POM121: variants seen among roughly 807,000 people sequenced by gnomAD.
POM121 encodes the protein POM121 transmembrane nucleoporin.
In POM121, 32 loss-of-function variants were observed where a neutral mutation model predicts 81.3. The observed-to-expected ratio is 0.39, with a 90% confidence interval of 0.30 to 0.53. POM121 has a LOEUF of 0.53. POM121 is among the 20% of genes least tolerant of loss of function. POM121 has a pLI of 0.66. For synonymous variants in POM121, 514 were observed against 694.2 expected (o/e 0.74, Z 4.08); for missense variants, 1,138 against 1,614.6 (o/e 0.70, Z 5.06).
chr7:72,901,969 G>A (rs7809943), intron 3 of POM121, among the ~76,000 whole-genome samples: 9 of 149,254 alleles, frequency 6.0e-5, no homozygotes, highest in African/African-American at 1.0e-4. Flanking sequence ...AAAATTAGCC[G>A]GGCATGGTGG....
intron 5 of POM121, among the ~76,000 whole-genome samples, chr7:72,937,843 T>A (rs1263931335): frequency 6.6e-6 from 1 of 151,956 alleles, no homozygotes; most frequent in African/African-American, 2.4e-5. Context: ...AAGAGGCAGA[T>A]GTATGGATAA....
downstream of POM121, chr7:72,949,007 G>A: frequency 1.2e-6 from 2 of 1,610,090 alleles, no homozygotes; most frequent in South Asian, 2.2e-5. Context: ...GTGAGCGCGT[G>A]GCACAGGGCT....
downstream of POM121, chr7:72,950,094 T>C (rs1554504503): frequency 6.3e-7 from 1 of 1,584,932 alleles, no homozygotes; most frequent in Non-Finnish European, 8.7e-7. Context: ...CCCGGTACAG[T>C]GGGTGTTCAT....
rs1795268785 is a variant in POM121, at chr7:72,925,240, C to T, written c.119C>T (p.Ser40Leu). ...GCCAGGGCGGTGCTCCTGGGCCTGT[C>T]GCTGGTTGGCCTCTTACTGTACCTC... ...GPARAVLLGL[S>L]LVGLLLYLVP... The change falls in exon 1 of 13, where the codon TCG becomes TTG. Residue 40 changes from serine (S) to leucine (L), a missense_variant. Transcript: ENST00000434423. 1 of 1,533,914 alleles carries T rather than the reference C, an allele frequency of 6.5e-7. No individual in the cohort carries two copies. The highest frequency in any genetic ancestry group is 8.7e-7 in the Non-Finnish European group (1 of 1,146,152).
chr7:72,948,346 A>G (rs782788856), downstream of POM121: 1 of 1,611,282 alleles, frequency 6.2e-7, no homozygotes, highest in Non-Finnish European at 8.5e-7. Flanking sequence ...TTTGCTCACC[A>G]GCAAGAACAC....
intron 3 of POM121, among the ~76,000 whole-genome samples, chr7:72,901,438 T>C (rs1469412750): frequency 6.6e-6 from 1 of 151,058 alleles, no homozygotes; most frequent in Admixed American, 6.6e-5. Context: ...CACTGCAACC[T>C]CCACCTCCTG....
intron 5 of POM121, among the ~76,000 whole-genome samples, chr7:72,935,801 ATAGTG>A (rs1554499357): frequency 5.3e-5 from 8 of 151,962 alleles, no homozygotes; most frequent in African/African-American, 1.7e-4. Context: ...GCTATTCTAA[ATAGTG>A]CCTTCATATA....
chr7:72,923,403 C>G (rs1238193358), upstream of POM121, among the ~76,000 whole-genome samples: 1 of 152,094 alleles, frequency 6.6e-6, no homozygotes, highest in Non-Finnish European at 1.5e-5. Flanking sequence ...ACTTCCCTGT[C>G]TACCTTCCCC....
At chr7:72,931,850 C>A (rs528788255) in intron 5 of POM121, among the ~76,000 whole-genome samples, 1 of 152,158 alleles carries the variant, frequency 6.6e-6, no homozygotes, top group Non-Finnish European at 1.5e-5. Context: ...GGATTACAGG[C>A]ATGAGCCACC....
downstream of POM121, chr7:72,949,051 A>C: frequency 6.2e-7 from 1 of 1,613,342 alleles, no homozygotes; most frequent in Non-Finnish European, 8.5e-7. Flanking sequence ...ATGCAGACGC[A>C]CCGGGCTAGG....
chr7:72,885,807 G>T (rs1790645008), intron 1 of POM121, among the ~76,000 whole-genome samples: 1 of 150,004 alleles, frequency 6.7e-6, no homozygotes, highest in Non-Finnish European at 1.5e-5. Context: ...ATAGTCCGTT[G>T]TCTTTGCTTT....
chr7:72,912,618 G>A (rs1435569732), intron 3 of POM121, among the ~76,000 whole-genome samples: 1 of 152,014 alleles, frequency 6.6e-6, no homozygotes, highest in Non-Finnish European at 1.5e-5. Context: ...CTACTAAAAC[G>A]CGCACACAAA....
At chr7:72,890,242 G>A (rs1668906) in intron 1 of POM121, among the ~76,000 whole-genome samples, 52 of 151,668 alleles carry the variant, frequency 3.4e-4, no homozygotes, top group South Asian at 8.3e-4. Flanking sequence ...TCCAACATGA[G>A]GAGGTCCCGG....
intron 3 of POM121, among the ~76,000 whole-genome samples, chr7:72,909,479 A>G (rs1563143937): frequency 1.3e-5 from 2 of 152,216 alleles, no homozygotes; most frequent in East Asian, 1.9e-4. Context: ...ATGAGGCTGT[A>G]TGTAGTTCCT....
At chr7:72,889,184 T>A (rs1450070833) in intron 1 of POM121, among the ~76,000 whole-genome samples, 2 of 152,230 alleles carry the variant, frequency 1.3e-5, no homozygotes, top group Non-Finnish European at 1.5e-5. Flanking sequence ...CCCAGAAAGT[T>A]ATTACTCTCT....
chr7:72,928,263 C>T (rs1360447163), intron 3 of POM121, 122 bp from the exon 4 acceptor site: 2 of 1,341,652 alleles, frequency 1.5e-6, no homozygotes, highest in Non-Finnish European at 2.1e-6. Context: ...CAACCATTTT[C>T]TGGTCTATCA....
At position 72,939,329 on chromosome 7, in the gene POM121, C is replaced by G. The variant is rs189678402; in HGVS notation, c.1368-7C>G. ...TCTAGACTAAATTGTTCCTTTTTTCCTGACAGAGAAGAGGAGCTGTGTCAT... is the reference window on the plus strand; with the variant it reads ...TCTAGACTAAATTGTTCCTTTTTTCGTGACAGAGAAGAGGAGCTGTGTCAT... On this transcript the variant is annotated splice_region_variant and splice_polypyrimidine_tract_variant and intron_variant, in intron 6 of 12. Transcript: ENST00000434423. The G allele has an allele frequency of 4.2e-3, 6,786 of 1,612,612 alleles. 35 individuals carry two copies. The highest frequency in any genetic ancestry group is 5.2e-3 in the Admixed American group (310 of 59,618).
chr7:72,885,934 A>T (rs1790657983), intron 1 of POM121, among the ~76,000 whole-genome samples: 1 of 151,938 alleles, frequency 6.6e-6, no homozygotes, highest in African/African-American at 2.4e-5. Context: ...GTTTTTAGCT[A>T]TCACACTGTT....
chr7:72,938,706 T>C (rs1192576806), intron 6 of POM121, 25 bp downstream of exon 6: 1 of 1,609,050 alleles, frequency 6.2e-7, no homozygotes, highest in African/African-American at 1.3e-5. Flanking sequence ...CCTGCAGTTT[T>C]CATTTGCTGC....
Sources: allele counts gnomAD v4.1 joint callset (sites outside exome capture counted in the v4.1 genomes callset), GRCh38; gene constraint gnomAD v4.1.1; transcripts MANE v1.5; gene names NCBI Gene and HGNC (gene_info 2026-07-23, HGNC 2026-07-21).